The following AK8 variants were observed in gnomAD, a reference collection of about 807,000 sequenced individuals.
AK8 encodes the protein ATP-AMP transphosphorylase 8.
AK8 carries 44 observed loss-of-function variants against 54.6 expected under a neutral mutation model. The ratio of observed to expected loss-of-function variants is 0.81; its 90% CI spans 0.63 to 1.04. AK8 has a LOEUF of 1.04. AK8 is among the 50% of genes least tolerant of loss of function. The pLI, the probability that AK8 is intolerant of heterozygous loss-of-function variation, is 0.00. For missense variants in AK8, 555 were observed against 613.6 expected (o/e 0.90, Z 1.01); for synonymous variants, 239 against 245.6 (o/e 0.97, Z 0.25).
chr9:132,840,653 G>A (rs957769291), intron 5 of AK8, among the ~76,000 whole-genome samples: 1 of 152,214 alleles, frequency 6.6e-6, no homozygotes, highest in Non-Finnish European at 1.5e-5. Context: ...AGGAATCTGG[G>A]AGGCTGAGGC....
At chr9:132,793,825 T>C (rs889960035) in intron 10 of AK8, among the ~76,000 whole-genome samples, 1 of 152,244 alleles carries the variant, frequency 6.6e-6, no homozygotes, top group African/African-American at 2.4e-5. Flanking sequence ...CATTGTTTGC[T>C]ATGACTGTGG....
chr9:132,830,099 T>C lies in AK8; in HGVS notation c.403-1373A>G, dbSNP rs78667757. 1.3e-3 allele frequency among the ~76,000 whole-genome samples: 201 copies of C among 152,316 alleles called. 3 individuals carry two copies. The East Asian group carries it at 0.023, about 18-fold the overall frequency. On this transcript the variant is annotated intron_variant, in intron 5 of 12. Coordinates refer to ENST00000298545, the MANE Select transcript of AK8 (RefSeq NM_152572.3). The stretch of plus-strand genomic sequence containing the variant: ...CACTGTTTGGTAATCTGTTCTTTTC[T>C]AGCAAAAACATTTCATGAACGTTTT...
chr9:132,869,258 G>A (rs1290490619), intron 2 of AK8, among the ~76,000 whole-genome samples: 1 of 152,214 alleles, frequency 6.6e-6, no homozygotes, highest in African/African-American at 2.4e-5. Context: ...GTCCTGCACA[G>A]GCTGGGGAGC....
At chr9:132,774,698 G>T (rs1839132492) in intron 11 of AK8, among the ~76,000 whole-genome samples, 1 of 152,154 alleles carries the variant, frequency 6.6e-6, no homozygotes, top group Non-Finnish European at 1.5e-5. Flanking sequence ...CCAAAAATGG[G>T]GGCGTCTCCA....
At chr9:132,777,484 C>A (rs1036648603) in intron 11 of AK8, among the ~76,000 whole-genome samples, 7 of 152,228 alleles carry the variant, frequency 4.6e-5, no homozygotes, top group Non-Finnish European at 1.0e-4. Context: ...TGGCTACAGA[C>A]TGAGCCTGGC....
At chr9:132,825,085 T>C (rs900123100) in intron 8 of AK8, among the ~76,000 whole-genome samples, 1 of 152,086 alleles carries the variant, frequency 6.6e-6, no homozygotes, top group Non-Finnish European at 1.5e-5. Flanking sequence ...CCTTCCATAA[T>C]CCCGTGCATC....
At chr9:132,833,418 C>T (rs1177235984) in intron 5 of AK8, among the ~76,000 whole-genome samples, 1 of 152,212 alleles carries the variant, frequency 6.6e-6, no homozygotes, top group African/African-American at 2.4e-5. Context: ...TCGCGGGTCT[C>T]ACGTCCAGGA....
intron 11 of AK8, among the ~76,000 whole-genome samples, chr9:132,733,233 AC>A (rs1336744422): frequency 1.3e-5 from 2 of 151,856 alleles, no homozygotes; most frequent in African/African-American, 4.8e-5. Flanking sequence ...AAAAAAAAAA[AC>A]ATGCGAGATC....
At chr9:132,878,435 G>A (rs747099242), upstream of AK8, 38 of 1,230,834 alleles carry the variant, frequency 3.1e-5, no homozygotes, top group Non-Finnish European at 3.8e-5. This position sits in a 1 kb window ranked among gnomAD's most constrained non-coding sequence, Gnocchi z 4.7. Context: ...TCTGCGGCTC[G>A]GGCAAGTTCT....
chr9:132,815,721 C>T (rs984215511), intron 9 of AK8, among the ~76,000 whole-genome samples: 1 of 152,216 alleles, frequency 6.6e-6, no homozygotes, highest in Non-Finnish European at 1.5e-5. Context: ...TGCTGGGCAA[C>T]AAGCATGAGT....
In AK8 at chr9:132,826,778, G is replaced by A. The variant is rs1841885386; in HGVS notation, c.757+76C>T. 66 of 1,507,468 alleles carry A rather than the reference G, an allele frequency of 4.4e-5. 1 individual carries two copies. The South Asian group carries it at 6.9e-4, about 16-fold the overall frequency. The allele number at this position is 1,507,468 out of a possible 1,614,324, so 93.4% of individuals were successfully genotyped here. Reference sequence around the variant, plus strand: ...AGACACTGGCCACTACCAGAATAAGGGACAAAGTGGTAGAAGGCACAGCGA... The same window carrying A: ...AGACACTGGCCACTACCAGAATAAGAGACAAAGTGGTAGAAGGCACAGCGA... On this transcript the variant is annotated intron_variant, in intron 8 of 12. Transcript: ENST00000298545. This position sits in a 1 kb window ranked among gnomAD's most constrained non-coding sequence, Gnocchi z 4.5.
intron 9 of AK8, among the ~76,000 whole-genome samples, chr9:132,820,046 T>C (rs571675741): frequency 3.5e-4 from 53 of 151,054 alleles, no homozygotes; most frequent in Non-Finnish European, 2.8e-4. Context: ...TCCCAGCTAC[T>C]TGGGAGGCTG....
intron 7 of AK8, 88 bp from the exon 8 acceptor site, chr9:132,827,142 G>GCCTCC: frequency 7.2e-7 from 1 of 1,380,048 alleles, no homozygotes; most frequent in Non-Finnish European, 1.0e-6. Context: ...TGCTGTCCTG[G>GCCTCC]AGGCCAGGCC....
intron 5 of AK8, among the ~76,000 whole-genome samples, chr9:132,832,405 G>C (rs978897702): frequency 6.6e-6 from 1 of 152,182 alleles, no homozygotes. Flanking sequence ...AGCAACACCA[G>C]CAGAACCAGG....
intron 5 of AK8, among the ~76,000 whole-genome samples, chr9:132,832,392 G>T (rs1233839436): frequency 6.6e-6 from 1 of 152,166 alleles, no homozygotes; most frequent in Non-Finnish European, 1.5e-5. Context: ...ATCTACAGAC[G>T]TGAGCAACAC....
chr9:132,823,107 C>T, intron 9 of AK8, 98 bp downstream of exon 9: 1 of 1,459,424 alleles, frequency 6.9e-7, no homozygotes, highest in Non-Finnish European at 9.1e-7. Flanking sequence ...GACCCTTCCC[C>T]CCCAACACCA....
rs1008811786 is a variant in AK8 at position 132,867,061 on chromosome 9, G to A, written c.170-108C>T. 104 of 1,080,230 alleles carry A rather than the reference G, an allele frequency of 9.6e-5. No homozygotes were observed. The Middle Eastern group carries it at 1.9e-3, about 19-fold the overall frequency. 66.9% of individuals were successfully genotyped at this position (1,080,230 alleles called of 1,614,324 possible). A position where few individuals can be genotyped will look rare whatever the true frequency, so the allele number is the denominator to read the frequency against. On this transcript the variant is annotated intron_variant, in intron 2 of 12. Transcript: ENST00000298545. ...TCTCCCTCCCTAGATTTCATTTTCT[G>A]CCAGTGACACGGCCATTTGTAACCC... is the stretch of plus-strand genomic sequence containing the variant.
chr9:132,816,492 C>T (rs1229117724), intron 9 of AK8, among the ~76,000 whole-genome samples: 1 of 152,024 alleles, frequency 6.6e-6, no homozygotes, highest in Non-Finnish European at 1.5e-5. Flanking sequence ...TAGGTAAAGA[C>T]ACTGAGGCTC....
At chr9:132,797,372 C>T (rs1224853447) in intron 10 of AK8, among the ~76,000 whole-genome samples, 2 of 152,184 alleles carry the variant, frequency 1.3e-5, no homozygotes, top group African/African-American at 4.8e-5. Context: ...TTTAGTTCCT[C>T]AAGCGTTCAT....
Sources: gnomAD v4.1 joint callset for allele counts (sites outside exome capture counted in the v4.1 genomes callset) on GRCh38, gnomAD v4.1.1 for gene constraint, Gnocchi (gnomAD v3.1) non-coding constraint, MANE v1.5 for transcripts, NCBI Gene and HGNC (gene_info 2026-07-23, HGNC 2026-07-21) for gene names.